SIGLEC12: variants seen among roughly 807,000 people sequenced by gnomAD.
SIGLEC12 encodes sialic acid-binding Ig-like lectin 12.
In SIGLEC12, 43 loss-of-function variants were observed where a neutral mutation model predicts 54.1. That is an observed-to-expected ratio of 0.80 (90% CI 0.62 to 1.03). SIGLEC12 has a LOEUF of 1.03. SIGLEC12 is among the 50% of genes least tolerant of loss of function. The pLI is 0.00. For synonymous variants in SIGLEC12, 357 were observed against 307.6 expected, an observed-to-expected ratio of 1.16 and a Z score of -1.68; for missense variants, 802 against 735.2, an observed-to-expected ratio of 1.09 and a Z score of -1.05.
rs1568528712 is a variant in SIGLEC12 at position 51,495,202 on chromosome 19, C to CGGATGGAT, written c.1599+1677_1599+1678insATCCATCC. Among the ~76,000 whole-genome samples, 20 of 28,458 alleles carry CGGATGGAT rather than the reference C, an allele frequency of 7.0e-4. 2 individuals are homozygous for CGGATGGAT. Among genetic ancestry groups the CGGATGGAT allele is most frequent in the African/African-American group, 2.2e-3 (18 of 8,094 alleles). The allele number at this position is 28,458 out of a possible 152,430, so 18.7% of individuals were successfully genotyped here. On this transcript the variant is annotated intron_variant, in intron 7 of 7. Transcript: ENST00000291707. ...ATGGATGGATGGATGGATGGATGGA[C>CGGATGGAT]GGACGGGTGGGTGGGTGGATGGATG...
At position 51,497,083 on chromosome 19, in the gene SIGLEC12, G is replaced by A; in HGVS notation, c.1503-107C>T. 33 of 1,560,462 alleles carry A rather than the reference G, an allele frequency of 2.1e-5. 1 individual carries two copies. The South Asian group carries it at 3.7e-4, about 18-fold the overall frequency. On this transcript the variant is annotated intron_variant, in intron 6 of 7. Transcript: ENST00000291707. ...ATTGGGGAGCTGGAGGGGTAACTGAGGCGGGAGGGGAGTGGTCCCATTCCA... is the reference window on the plus strand; with the variant it reads ...ATTGGGGAGCTGGAGGGGTAACTGAAGCGGGAGGGGAGTGGTCCCATTCCA...
In SIGLEC12 at chr19:51,499,685, CG is replaced by C; in HGVS notation, c.839del (p.Pro280ArgfsTer12). ...ALTHMPTFSI[P>X]GTLESGHPRN... ...TGGGGTGGCCAGACTCCAGGGTCCC[CG>C]GGATGGAGAAGGTGGGCATGTGAGT... On this transcript the variant is annotated frameshift_variant, in exon 3 of 8. Transcript: ENST00000291707. LOFTEE classifies it high-confidence loss of function. 6.2e-7 allele frequency: 1 copy of C among 1,614,010 alleles called. No individual in the cohort carries two copies. Among genetic ancestry groups the C allele is most frequent in the Non-Finnish European group, 8.5e-7 (1 of 1,179,984 alleles).
intron 4 of SIGLEC12, 87 bp from the exon 5 acceptor site, chr19:51,498,374 A>G: frequency 5.1e-6 from 6 of 1,168,482 alleles, no homozygotes; most frequent in Non-Finnish European, 7.1e-6. Context: ...TGAATGGAAC[A>G]GACACTGATA....
intron 5 of SIGLEC12, 134 bp downstream of exon 5, chr19:51,497,884 T>TCC (rs758517087): frequency 1.6e-6 from 2 of 1,284,444 alleles, no homozygotes; most frequent in African/African-American, 1.5e-5. Context: ...TCCTCCCCTC[T>TCC]CCCCACCCCG....
At chr19:51,500,927 T>G (rs1454788047) in intron 1 of SIGLEC12, among the ~76,000 whole-genome samples, 1 of 152,036 alleles carries the variant, frequency 6.6e-6, no homozygotes, top group Non-Finnish European at 1.5e-5. Context: ...TTTGACAATG[T>G]GTGGAGATAA....
In SIGLEC12 at chr19:51,500,266, C is replaced by G. The variant is rs747718427; in HGVS notation, c.462G>C (p.Glu154Asp). ...SQDLLSRYRLEVPESVTVQEG... is the reference protein window; with the variant it reads ...SQDLLSRYRLDVPESVTVQEG... The stretch of plus-strand genomic sequence containing the variant: ...CCTGCACAGTCACCGACTCTGGCAC[C>G]TCCAGCCTGTATCTTGACAGTAGGT... The change falls in exon 2 of 8, where the codon GAG becomes GAC. Residue 154 changes from glutamate (E) to aspartate (D), a missense_variant. Physicochemically the swap from Glu to Asp is conservative, Grantham distance 45. Transcript: ENST00000291707. 6.2e-7 allele frequency: 1 copy of G among 1,614,226 alleles called. No individual in the cohort carries two copies. Among genetic ancestry groups the G allele is most frequent in the South Asian group, 1.1e-5 (1 of 91,086 alleles).
chr19:51,495,670 C>A (rs951706608), intron 7 of SIGLEC12, among the ~76,000 whole-genome samples: 2 of 151,962 alleles, frequency 1.3e-5, no homozygotes, highest in Non-Finnish European at 2.9e-5. Flanking sequence ...TGGCCATATC[C>A]CTCTGTATAG....
chr19:51,493,101 ACC>A (rs1397403620), intron 7 of SIGLEC12, among the ~76,000 whole-genome samples: 1 of 152,116 alleles, frequency 6.6e-6, no homozygotes, highest in Non-Finnish European at 1.5e-5. Context: ...TCACACACAC[ACC>A]ACATCTCAGC....
chr19:51,498,006 TC>T lies in SIGLEC12; in HGVS notation c.1405+11del. ...ATGTGTGTTCTCCTCCTCCAGACCC[TC>T]CCCTACCCACCTGTGTACTCGTTTT... is the stretch of plus-strand genomic sequence containing the variant. On this transcript the variant is annotated intron_variant, in intron 5 of 7. Coordinates refer to ENST00000291707, the MANE Select transcript of SIGLEC12 (RefSeq NM_053003.4). 8.7e-6 allele frequency: 14 copies of T among 1,613,850 alleles called. No homozygotes were observed. The highest frequency in any genetic ancestry group is 1.0e-5 in the Non-Finnish European group (12 of 1,179,846).
At chr19:51,497,543 C>T (rs55696397) in intron 5 of SIGLEC12, 98 bp from the exon 6 acceptor site, 30,489 of 806,216 alleles carry the variant, frequency 0.038, 773 homozygotes, top group Middle Eastern at 0.093. Flanking sequence ...GTACCCCAGT[C>T]CCGCTTCCCG....
At chr19:51,495,371 GGATGGATGGA>G (rs1990212971) in intron 7 of SIGLEC12, among the ~76,000 whole-genome samples, 1 of 98,544 alleles carries the variant, frequency 1.0e-5, no homozygotes, top group Non-Finnish European at 2.2e-5. Flanking sequence ...GTGGGTGGAT[GGATGGATGGA>G]TGGATGGATG....
chr19:51,500,076 C>G lies in SIGLEC12; in HGVS notation c.652G>C (p.Gly218Arg). 1.9e-6 allele frequency: 3 copies of G among 1,613,978 alleles called. No homozygotes were observed. The highest frequency in any genetic ancestry group is 2.5e-6 in the Non-Finnish European group (3 of 1,180,002). ...GGGTCCCCAAGGAGGAGGAATCGAC[C>G]GTGGGTATCCTCTTGCACTTTTCCA... ...PSGKVQEDTHGRFLLLGDPQT... is the reference protein window; with the variant it reads ...PSGKVQEDTHRRFLLLGDPQT... The change falls in exon 2 of 8, where the codon GGT (glycine) becomes CGT (arginine). Residue 218 changes from glycine to arginine, a missense_variant. Transcript: ENST00000291707.
At chr19:51,497,597 T>C (rs1180427705) in intron 5 of SIGLEC12, 152 bp from the exon 6 acceptor site, 2 of 577,570 alleles carry the variant, frequency 3.5e-6, no homozygotes, top group African/African-American at 1.9e-5. Context: ...CTGAGGTCAC[T>C]GAGGCATGAG....
intron 1 of SIGLEC12, among the ~76,000 whole-genome samples, chr19:51,500,547 G>A (rs566438462): frequency 5.9e-5 from 9 of 152,226 alleles, no homozygotes; most frequent in African/African-American, 2.2e-4. Context: ...TGCACAGAGT[G>A]AAGGAAACCC....
At chr19:51,496,446 C>T (rs1990242041) in intron 7 of SIGLEC12, among the ~76,000 whole-genome samples, 1 of 152,066 alleles carries the variant, frequency 6.6e-6, no homozygotes, top group Non-Finnish European at 1.5e-5. Context: ...GCCTGGGCAA[C>T]AAGATCAAAA....
intron 1 of SIGLEC12, 196 bp from the exon 2 acceptor site, chr19:51,500,496 G>C (rs1990367523): frequency 3.4e-6 from 3 of 886,988 alleles, no homozygotes; most frequent in Non-Finnish European, 5.2e-6. Context: ...CTGCATGGAA[G>C]AGAAACTGCA....
intron 7 of SIGLEC12, among the ~76,000 whole-genome samples, chr19:51,496,106 C>T (rs975813666): frequency 2.0e-5 from 3 of 152,050 alleles, no homozygotes; most frequent in African/African-American, 7.3e-5. Context: ...TAAAAGGGTG[C>T]CCCAAATCTC....
At position 51,496,941 on chromosome 19, in the gene SIGLEC12, G is replaced by T. The variant is rs745449110; in HGVS notation, c.1538C>A (p.Ala513Glu). ...CATGCCTGTATCCCCCACGCCCACT[G>T]CTGGCCTTGCCGATTTCTTCCTGCA... ...RSCRKKSARPAVGVGDTGMED... is the reference protein window; with the variant it reads ...RSCRKKSARPEVGVGDTGMED... The change falls in exon 7 of 8, where the codon GCA becomes GAA. Residue 513 changes from alanine to glutamate, a missense_variant. Ala to Glu is a moderately radical substitution (Grantham distance 107). Transcript: ENST00000291707. The T allele has an allele frequency of 6.2e-7, 1 of 1,613,658 alleles. No homozygotes were observed. The highest frequency in any genetic ancestry group is 1.1e-5 in the South Asian group (1 of 91,042).
chr19:51,494,651 A>C (rs959610504), intron 7 of SIGLEC12, among the ~76,000 whole-genome samples: 1 of 152,264 alleles, frequency 6.6e-6, no homozygotes, highest in Non-Finnish European at 1.5e-5. Context: ...TATTGAAAAG[A>C]TATTTGCATG....
Sources: allele counts gnomAD v4.1 joint callset (sites outside exome capture counted in the v4.1 genomes callset), GRCh38; gene constraint gnomAD v4.1.1; transcripts MANE v1.5; gene names NCBI Gene and HGNC (gene_info 2026-07-23, HGNC 2026-07-21).